Variants in LMBRD1 observed in about 807,000 individuals in gnomAD.
LMBRD1 encodes the protein lysosomal cobalamin transport escort protein LMBD1.
Under a neutral mutation model 74.8 loss-of-function variants are expected in LMBRD1, and 64 were observed. The ratio of observed to expected loss-of-function variants is 0.86; its 90% confidence interval spans 0.70 to 1.05. The LOEUF (loss-of-function observed/expected upper bound fraction) is 1.05. Ranked by LOEUF, LMBRD1 falls within the 50% of genes least tolerant of loss-of-function variation. The pLI is 0.00. For synonymous variants in LMBRD1, 204 were observed against 216.3 expected, an observed-to-expected ratio of 0.94 and a Z score of 0.50; for missense variants, 652 against 645.9, an observed-to-expected ratio of 1.01 and a Z score of -0.10.
chr6:69,778,431 T>C (rs1372558432), intron 3 of LMBRD1, among the ~76,000 whole-genome samples: 1 of 152,232 alleles, frequency 6.6e-6, no homozygotes, highest in East Asian at 1.9e-4. Flanking sequence ...ATTCTCTCCA[T>C]GGAACAAACT....
At chr6:69,778,490 C>G (rs1048440495) in intron 3 of LMBRD1, among the ~76,000 whole-genome samples, 1 of 152,172 alleles carries the variant, frequency 6.6e-6, no homozygotes, top group African/African-American at 2.4e-5. Flanking sequence ...CTTTTGCGAA[C>G]TTAATTACAA....
rs369931605 is a variant in LMBRD1, at chr6:69,714,633, A to G, written c.763-836T>C. ...TATATTAGGTATCAGAATGTCTTTAATATTCCTATTAAGGTTTAAATAGGT... is the reference window on the plus strand; with the variant it reads ...TATATTAGGTATCAGAATGTCTTTAGTATTCCTATTAAGGTTTAAATAGGT... On this transcript the variant is annotated intron_variant, in intron 8 of 15. Transcript: ENST00000649934. 1.8e-3 allele frequency among the ~76,000 whole-genome samples: 281 copies of G among 152,282 alleles called. 3 individuals are homozygous for G. Among genetic ancestry groups the G allele is most frequent in the African/African-American group, 6.4e-3 (266 of 41,578 alleles).
chr6:69,779,198 A>AC (rs1266295464), intron 3 of LMBRD1, among the ~76,000 whole-genome samples: 3 of 151,818 alleles, frequency 2.0e-5, no homozygotes, highest in East Asian at 1.9e-4. Flanking sequence ...AAAAAAAAAA[A>AC]AAACAATTCA....
At chr6:69,685,932 A>G (rs572727277) in intron 14 of LMBRD1, among the ~76,000 whole-genome samples, 4 of 152,342 alleles carry the variant, frequency 2.6e-5, no homozygotes, top group African/African-American at 9.6e-5. Flanking sequence ...AATCACTAAA[A>G]GGTACAGTAA....
chr6:69,718,831 A>T, intron 8 of LMBRD1, 125 bp downstream of exon 8: 1 of 934,312 alleles, frequency 1.1e-6, no homozygotes, highest in Non-Finnish European at 1.7e-6. Context: ...ACTGTACCAG[A>T]TATGCTGCAA....
intron 7 of LMBRD1, among the ~76,000 whole-genome samples, chr6:69,725,335 A>G (rs1766705710): frequency 1.2e-5 from 1 of 83,940 alleles, no homozygotes; most frequent in Non-Finnish European, 2.4e-5. Context: ...AGCAATGACA[A>G]TCTTCACACA....
intron 3 of LMBRD1, among the ~76,000 whole-genome samples, chr6:69,773,169 T>C (rs1032792001): frequency 1.3e-5 from 2 of 151,942 alleles, no homozygotes; most frequent in Non-Finnish European, 2.9e-5. Flanking sequence ...TAATGGGAGG[T>C]ATTTGGGTAG....
At position 69,714,055 on chromosome 6, in the gene LMBRD1, T is replaced by C. The variant is rs879743791; in HGVS notation, c.763-258A>G. ...CATGGTAGAGTTATGTGGAGAGAGATAACCATTTGTAAAAACATTCCACAA... is the reference window on the plus strand; with the variant it reads ...CATGGTAGAGTTATGTGGAGAGAGACAACCATTTGTAAAAACATTCCACAA... On this transcript the variant is annotated intron_variant, in intron 8 of 15. Coordinates refer to ENST00000649934, the MANE Select transcript of LMBRD1 (RefSeq NM_018368.4). 5.3e-5 allele frequency among the ~76,000 whole-genome samples: 8 copies of C among 152,074 alleles called. 1 individual carries two copies. The highest frequency in any genetic ancestry group is 3.9e-4 in the Admixed American group (6 of 15,232).
Position 69,676,879 on chromosome 6 carries a change from CA to C in LMBRD1, c.1418-339del, listed in dbSNP as rs202043626. Among the ~76,000 whole-genome samples, 4 of 150,790 alleles carry C rather than the reference CA, an allele frequency of 2.7e-5. No individual in the cohort carries two copies. The East Asian group carries it at 7.8e-4, about 29-fold the overall frequency. On this transcript the variant is annotated intron_variant, in intron 14 of 15. Coordinates refer to ENST00000649934, the MANE Select transcript of LMBRD1 (RefSeq NM_018368.4). ...TTGGAGTGTCAGACATATCATAAAA[CA>C]AAAAAAAAGTTTTCCTGATGAACAT...
chr6:69,759,745 T>C (rs1765338900), intron 3 of LMBRD1, among the ~76,000 whole-genome samples: 1 of 152,052 alleles, frequency 6.6e-6, no homozygotes, highest in Non-Finnish European at 1.5e-5. Context: ...CACAGAAGCC[T>C]CTCATGAGAC....
At chr6:69,741,658 G>A in intron 6 of LMBRD1, 131 bp downstream of exon 6, 1 of 604,120 alleles carries the variant, frequency 1.7e-6, no homozygotes, top group Non-Finnish European at 3.0e-6. Flanking sequence ...CAAAGTGCTA[G>A]GATTACAGGC....
At chr6:69,779,101 G>A (rs560672029) in intron 3 of LMBRD1, among the ~76,000 whole-genome samples, 2 of 150,832 alleles carry the variant, frequency 1.3e-5, no homozygotes, top group South Asian at 2.1e-4. Context: ...CAGGAGAATC[G>A]CTTGAACCCA....
intron 3 of LMBRD1, among the ~76,000 whole-genome samples, chr6:69,754,803 A>C (rs950760435): frequency 1.3e-5 from 2 of 152,244 alleles, no homozygotes; most frequent in Non-Finnish European, 2.9e-5. Context: ...TCTCAAAAGA[A>C]GACATTTATG....
chr6:69,684,734 A>G (rs1436486573), intron 14 of LMBRD1, among the ~76,000 whole-genome samples: 2 of 152,150 alleles, frequency 1.3e-5, no homozygotes, highest in African/African-American at 4.8e-5. Flanking sequence ...ATATATAATT[A>G]TGATTTGTAA....
At chr6:69,700,490 C>T (rs1317105997) in intron 12 of LMBRD1, among the ~76,000 whole-genome samples, 1 of 151,834 alleles carries the variant, frequency 6.6e-6, no homozygotes, top group Non-Finnish European at 1.5e-5. Context: ...TCTCTGGCCC[C>T]TACCCACTAC....
chr6:69,676,157 G>A lies in LMBRD1; in HGVS notation c.*1C>T. ...TATAAAACCTTTAAGACAGAAGGCT[G>A]TCAAGCAGAATAGACAGAGGGCTCA... On this transcript the variant is annotated 3_prime_UTR_variant, in exon 16 of 16. Coordinates refer to ENST00000649934, the MANE Select transcript of LMBRD1 (RefSeq NM_018368.4). 1.2e-6 allele frequency: 2 copies of A among 1,608,360 alleles called. No homozygotes were observed. Among genetic ancestry groups the A allele is most frequent in the Non-Finnish European group, 1.7e-6 (2 of 1,175,114 alleles).
In LMBRD1 at chr6:69,725,990, CAAGTGATTAATAACCAAAATATAT is replaced by C. The variant is rs1766726238; in HGVS notation, c.637-6933_637-6910del. Among the ~76,000 whole-genome samples, 2 of 152,022 alleles carry C rather than the reference CAAGTGATTAATAACCAAAATATAT, an allele frequency of 1.3e-5. 1 individual carries two copies. Among genetic ancestry groups the C allele is most frequent in the South Asian group, 4.2e-4 (2 of 4,808 alleles). ...AAAATATTTGCAAACTACCATATGA[CAAGTGATTAATAACCAAAATATAT>C]AAGGAGCTCAAACAACTCTACAGAA... On this transcript the variant is annotated intron_variant, in intron 7 of 15. Transcript: ENST00000649934.
intron 14 of LMBRD1, among the ~76,000 whole-genome samples, 173 bp downstream of exon 14, chr6:69,697,390 T>C (rs1175778791): frequency 3.9e-5 from 6 of 152,120 alleles, no homozygotes; most frequent in African/African-American, 1.2e-4. Context: ...CTTTCTCTAA[T>C]GCAAATCCTT....
At position 69,796,917 on chromosome 6, in the gene LMBRD1, G is replaced by A; in HGVS notation, c.-36C>T. 6.3e-7 allele frequency: 1 copy of A among 1,596,860 alleles called. No individual in the cohort carries two copies. The highest frequency in any genetic ancestry group is 8.6e-7 in the Non-Finnish European group (1 of 1,166,324). ...GGTCCAGACCAACCTGAGCGCCCGGGGTGGGGAAAGGGGAGGGGGAAAGGG... is the reference window on the plus strand; with the variant it reads ...GGTCCAGACCAACCTGAGCGCCCGGAGTGGGGAAAGGGGAGGGGGAAAGGG... On this transcript the variant is annotated 5_prime_UTR_variant, in exon 1 of 16. Coordinates refer to ENST00000649934, the MANE Select transcript of LMBRD1 (RefSeq NM_018368.4).
Sources: gnomAD v4.1 joint callset for allele counts (sites outside exome capture counted in the v4.1 genomes callset) on GRCh38, gnomAD v4.1.1 for gene constraint, MANE v1.5 for transcripts, NCBI Gene and HGNC (gene_info 2026-07-23, HGNC 2026-07-21) for gene names.